Variants in B4GALT1 observed in about 807,000 individuals in gnomAD.
The protein encoded by B4GALT1 is N-acetyllactosamine synthase.
In B4GALT1, 16 loss-of-function variants were observed where a neutral mutation model predicts 34.9. That is an observed-to-expected ratio of 0.46 (90% CI 0.31 to 0.70). The LOEUF is 0.70. Among genes scored for constraint, B4GALT1 ranks in the 30% least tolerant of loss-of-function variants. B4GALT1 has a pLI of 0.05. For missense variants in B4GALT1, 445 were observed against 530.5 expected (o/e 0.84, Z 1.58); for synonymous variants, 221 against 218.1 (o/e 1.01, Z -0.12).
intron 2 of B4GALT1, 89 bp from the exon 3 acceptor site, chr9:33,120,695 T>G (rs537333507): frequency 5.4e-5 from 74 of 1,363,158 alleles, no homozygotes; most frequent in Non-Finnish European, 7.6e-5. Flanking sequence ...CCACTACACA[T>G]GGTCACTAGG....
At chr9:33,143,083 T>A (rs1840376829) in intron 1 of B4GALT1, among the ~76,000 whole-genome samples, 1 of 152,142 alleles carries the variant, frequency 6.6e-6, no homozygotes, top group South Asian at 2.1e-4. Flanking sequence ...AAGTGGAGGC[T>A]GCAGTGAGCC....
At chr9:33,152,240 G>A (rs1840527137) in intron 1 of B4GALT1, among the ~76,000 whole-genome samples, 1 of 151,910 alleles carries the variant, frequency 6.6e-6, no homozygotes, top group South Asian at 2.1e-4. Flanking sequence ...GGAGGCAGAG[G>A]TTGCAGTGAG....
chr9:33,155,187 G>A (rs1840578582), intron 1 of B4GALT1, among the ~76,000 whole-genome samples: 3 of 152,152 alleles, frequency 2.0e-5, no homozygotes, highest in Admixed American at 2.0e-4. Context: ...TGGGCAAACT[G>A]AGGCCCAGAG....
At chr9:33,152,274 A>G (rs1443887272) in intron 1 of B4GALT1, among the ~76,000 whole-genome samples, 1 of 152,038 alleles carries the variant, frequency 6.6e-6, no homozygotes, top group Non-Finnish European at 1.5e-5. Flanking sequence ...ACTGCACTCC[A>G]GCCTGGGCGA....
At chr9:33,152,693 G>A (rs931113616) in intron 1 of B4GALT1, among the ~76,000 whole-genome samples, 1 of 152,090 alleles carries the variant, frequency 6.6e-6, no homozygotes, top group Non-Finnish European at 1.5e-5. Context: ...GGCCAACATG[G>A]TGAAACCCCA....
At chr9:33,115,888 C>T in intron 4 of B4GALT1, 103 bp downstream of exon 4, 1 of 1,450,182 alleles carries the variant, frequency 6.9e-7, no homozygotes. Flanking sequence ...ACTAGGGGTG[C>T]ATCCCATCTG....
chr9:33,125,749 T>C (rs563447282), intron 2 of B4GALT1, among the ~76,000 whole-genome samples: 4 of 152,234 alleles, frequency 2.6e-5, no homozygotes, highest in South Asian at 2.1e-4. Context: ...CTTCCCCTGA[T>C]TGCAACAGGG....
chr9:33,173,240 C>T, the B4GALT1 span, among the ~76,000 whole-genome samples: 1 of 152,144 alleles, frequency 6.6e-6, no homozygotes, highest in South Asian at 2.1e-4. Flanking sequence ...CCCATCTCTA[C>T]CAAAAATACA....
chr9:33,130,487 A>C (rs13297861), intron 2 of B4GALT1, among the ~76,000 whole-genome samples: 16,290 of 127,206 alleles, frequency 0.13, 1,008 homozygotes, highest in African/African-American at 0.19. Context: ...AGAGACCTTA[A>C]GGAAAAAGAG....
At chr9:33,158,062 T>C (rs1006945455) in intron 1 of B4GALT1, among the ~76,000 whole-genome samples, 2 of 152,166 alleles carry the variant, frequency 1.3e-5, no homozygotes, top group Admixed American at 1.3e-4. Flanking sequence ...AGAAGCCTCA[T>C]GGGTAGTGAG....
At chr9:33,166,612 G>A (rs1325732947) in intron 1 of B4GALT1, 146 bp downstream of exon 1, 2 of 1,048,560 alleles carry the variant, frequency 1.9e-6, no homozygotes, top group African/African-American at 3.3e-5. Context: ...CCAGTCCCAA[G>A]CCTCTGTCTG....
chr9:33,169,976 T>G (rs1840825064), upstream of B4GALT1, among the ~76,000 whole-genome samples: 1 of 148,998 alleles, frequency 6.7e-6, no homozygotes, highest in Non-Finnish European at 1.5e-5. Flanking sequence ...AGATTTTTTT[T>G]TTTTTTTTTT....
intron 2 of B4GALT1, among the ~76,000 whole-genome samples, chr9:33,130,395 A>G (rs752775798): frequency 7.9e-5 from 12 of 151,336 alleles, no homozygotes; most frequent in East Asian, 2.0e-4. Flanking sequence ...TTGGAATGCT[A>G]TATCTTGAAA....
the B4GALT1 span, among the ~76,000 whole-genome samples, chr9:33,178,684 T>G: frequency 6.6e-6 from 1 of 152,240 alleles, no homozygotes; most frequent in Non-Finnish European, 1.5e-5. Flanking sequence ...GTCTACAGTC[T>G]GTTGGGATAG....
upstream of B4GALT1, among the ~76,000 whole-genome samples, chr9:33,168,227 T>C (rs1414500869): frequency 1.3e-5 from 2 of 152,184 alleles, no homozygotes; most frequent in Non-Finnish European, 2.9e-5. Flanking sequence ...GAATTCTGGC[T>C]CCGAAACCCA....
downstream of B4GALT1, chr9:33,108,849 G>T (rs1839823614): frequency 6.6e-6 from 1 of 152,126 alleles, no homozygotes; most frequent in Non-Finnish European, 1.5e-5. Context: ...CTGGTACAGA[G>T]CCCCTAAAAC....
At chr9:33,179,499 A>T in the B4GALT1 span, 4 of 152,248 alleles carry the variant, frequency 2.6e-5, no homozygotes, top group African/African-American at 4.8e-5. Context: ...TCGCTATGTC[A>T]TGAGGCAGCC....
At chr9:33,107,600 A>G (rs909471457), downstream of B4GALT1, among the ~76,000 whole-genome samples, 1 of 152,224 alleles carries the variant, frequency 6.6e-6, no homozygotes, top group Non-Finnish European at 1.5e-5. Flanking sequence ...TCCCATGGAA[A>G]AGAGGTGGTA....
downstream of B4GALT1, among the ~76,000 whole-genome samples, chr9:33,108,525 C>T (rs545461386): frequency 1.3e-5 from 2 of 151,690 alleles, no homozygotes; most frequent in South Asian, 2.1e-4. Context: ...TGCTCATGGT[C>T]ACAGAATAAG....
Sources: allele counts gnomAD v4.1 joint callset (sites outside exome capture counted in the v4.1 genomes callset), GRCh38; gene constraint gnomAD v4.1.1; transcripts MANE v1.5; gene names NCBI Gene and HGNC (gene_info 2026-07-23, HGNC 2026-07-21).